PCDHGA5: variants seen among roughly 807,000 people sequenced by gnomAD.
PCDHGA5 encodes protocadherin gamma-A5.
PCDHGA5 carries 36 observed loss-of-function variants against 56.7 expected under a neutral mutation model. The ratio of observed to expected loss-of-function variants is 0.64; its 90% CI spans 0.49 to 0.84. The LOEUF (loss-of-function observed/expected upper bound fraction) is 0.84, where lower values mean the gene tolerates loss of function less well. Ranked by LOEUF, PCDHGA5 falls within the 40% of genes least tolerant of loss-of-function variation. The pLI is 0.00. For missense variants in PCDHGA5, 1,305 were observed against 1,201.5 expected, an observed-to-expected ratio of 1.09 and a Z score of -1.27; for synonymous variants, 563 against 520.2, an observed-to-expected ratio of 1.08 and a Z score of -1.12.
chr5:141,395,542 T>TTGTTTGTGTGTG (rs1267535064), intron 1 of PCDHGA5: 12 of 168,716 alleles, frequency 7.1e-5, no homozygotes, highest in African/African-American at 6.9e-4. Flanking sequence ...TTGCTATTGT[T>TTGTTTGTGTGTG]TGTGTGTGTG....
chr5:141,435,059 G>A (rs2097741198), intron 1 of PCDHGA5, among the ~76,000 whole-genome samples: 1 of 152,042 alleles, frequency 6.6e-6, no homozygotes, highest in Non-Finnish European at 1.5e-5. Context: ...CCATGCAGCA[G>A]TTTTGTGTAG....
chr5:141,419,216 G>C, intron 1 of PCDHGA5: 3 of 1,613,886 alleles, frequency 1.9e-6, no homozygotes, highest in Admixed American at 1.7e-5. Flanking sequence ...GCCGGTTTTC[G>C]GACAGTCAGC....
Position 141,366,383 on chromosome 5 carries a change from G to A in PCDHGA5, c.2053G>A (p.Glu685Lys). The A allele has an allele frequency of 6.2e-7, 1 of 1,614,130 alleles. No individual in the cohort carries two copies. The highest frequency in any genetic ancestry group is 8.5e-7 in the Non-Finnish European group (1 of 1,180,044). Residue 685 changes from glutamate (E) to lysine (K), a missense_variant, in exon 1 of 4, where the codon GAG becomes AAG. Glu to Lys is a moderately conservative substitution (Grantham distance 56). Coordinates refer to ENST00000518069, the MANE Select transcript of PCDHGA5 (RefSeq NM_018918.3). ...CAGTATCAAGACCCCCATTGACCCT[G>A]AGGATCTGGACCTCACACTCTATCT... ...LGSIKTPIDP[E>K]DLDLTLYLVV... is the part of the protein sequence containing the mutation.
At chr5:141,460,961 A>ATG (rs35821115) in intron 1 of PCDHGA5, among the ~76,000 whole-genome samples, 128 of 144,610 alleles carry the variant, frequency 8.9e-4, no homozygotes, top group Middle Eastern at 7.1e-3. Context: ...GTATATATAT[A>ATG]TGTGTGTGTG....
At chr5:141,368,400 C>T (rs1765636638) in intron 1 of PCDHGA5, among the ~76,000 whole-genome samples, 1 of 152,106 alleles carries the variant, frequency 6.6e-6, no homozygotes, top group Admixed American at 6.6e-5. Flanking sequence ...CACAAACACA[C>T]ATACATACAC....
intron 1 of PCDHGA5, chr5:141,393,342 C>T (rs765924046): frequency 6.2e-7 from 1 of 1,613,944 alleles, no homozygotes; most frequent in Admixed American, 1.7e-5. Context: ...CCCCAATCAC[C>T]ACTTCTCCCT....
intron 1 of PCDHGA5, among the ~76,000 whole-genome samples, chr5:141,407,428 G>A (rs1211459456): frequency 6.6e-6 from 1 of 151,524 alleles, no homozygotes; most frequent in Non-Finnish European, 1.5e-5. Context: ...AATGTCTCTT[G>A]CCCTTAAAAC....
At position 141,432,902 on chromosome 5, in the gene PCDHGA5, A is replaced by C. The variant is rs992417865; in HGVS notation, c.2422-61905A>C. The C allele has an allele frequency of 1.2e-6, 2 of 1,614,028 alleles. No homozygotes were observed. The highest frequency in any genetic ancestry group is 2.7e-5 in the African/African-American group (2 of 74,924). On this transcript the variant is annotated intron_variant, in intron 1 of 3. Coordinates refer to ENST00000518069, the MANE Select transcript of PCDHGA5 (RefSeq NM_018918.3). The surrounding 1 kb of genome is among the most constrained non-coding windows in gnomAD (Gnocchi z 6.0). ...CTTCGTCATCTTGCTGCTGGCGCTCAGGCTGCGGCGCTGGCACAAGTCACG... is the reference window on the plus strand; with the variant it reads ...CTTCGTCATCTTGCTGCTGGCGCTCCGGCTGCGGCGCTGGCACAAGTCACG...
chr5:141,409,237 A>G lies in PCDHGA5; in HGVS notation c.2421+42486A>G, dbSNP rs375806619. The G allele has an allele frequency of 7.2e-5, 116 of 1,614,054 alleles. 2 individuals are homozygous for G. Among genetic ancestry groups the G allele is most frequent in the East Asian group, 6.5e-4 (29 of 44,886 alleles). ...TCCTTGATGAAAACGACAACAGCCC[A>G]GAAATAATCATCACTTCTCTCTCTG... On this transcript the variant is annotated intron_variant, in intron 1 of 3. Coordinates refer to ENST00000518069, the MANE Select transcript of PCDHGA5 (RefSeq NM_018918.3).
At chr5:141,444,507 G>C (rs1213059531) in intron 1 of PCDHGA5, among the ~76,000 whole-genome samples, 1 of 152,068 alleles carries the variant, frequency 6.6e-6, no homozygotes, top group Non-Finnish European at 1.5e-5. Context: ...CTTTGCTCTA[G>C]CAGTATAGTA....
chr5:141,466,014 C>T (rs962233749), intron 1 of PCDHGA5, among the ~76,000 whole-genome samples: 75 of 151,848 alleles, frequency 4.9e-4, no homozygotes, highest in African/African-American at 1.2e-3. Flanking sequence ...CCCAGCTACT[C>T]GGGAGGGTGA....
intron 1 of PCDHGA5, among the ~76,000 whole-genome samples, chr5:141,450,025 G>C (rs963999877): frequency 2.7e-5 from 1 of 36,752 alleles, no homozygotes; most frequent in Non-Finnish European, 5.4e-5. Context: ...TTTTTTTTTT[G>C]AGACAGGGTC....
In PCDHGA5 at chr5:141,381,826, C is replaced by CTTTTTTTT. The variant is rs770630741; in HGVS notation, c.2421+15090_2421+15097dup. Among the ~76,000 whole-genome samples, 48 of 74,286 alleles carry CTTTTTTTT rather than the reference C, an allele frequency of 6.5e-4. 1 individual carries two copies. Among genetic ancestry groups the CTTTTTTTT allele is most frequent in the African/African-American group, 1.0e-3 (17 of 16,198 alleles). 48.7% of individuals were successfully genotyped at this position (74,286 alleles called of 152,430 possible). On this transcript the variant is annotated intron_variant, in intron 1 of 3. Coordinates refer to ENST00000518069, the MANE Select transcript of PCDHGA5 (RefSeq NM_018918.3). Reference sequence around the variant, plus strand: ...TTTCTTTCTTTCTTTCTTTCTTCTTCTTTTTTTTTTTTTTTTTTTTTTGGC... The same window carrying CTTTTTTTT: ...TTTCTTTCTTTCTTTCTTTCTTCTTCTTTTTTTTTTTTTTTTTTTTTTTTTTTTTTGGC...
chr5:141,380,502 T>C (rs932449846), intron 1 of PCDHGA5, among the ~76,000 whole-genome samples: 2 of 152,190 alleles, frequency 1.3e-5, no homozygotes, highest in Admixed American at 1.3e-4. Flanking sequence ...AACAATAATA[T>C]ACACTCTTTA....
At chr5:141,419,554 T>C (rs775925543) in intron 1 of PCDHGA5, 1 of 1,612,006 alleles carries the variant, frequency 6.2e-7, no homozygotes, top group Non-Finnish European at 8.5e-7. Flanking sequence ...TGCTGTACCC[T>C]GCGCTGGGTC....
chr5:141,417,387 G>GA (rs1356605500), intron 1 of PCDHGA5: 1 of 154,090 alleles, frequency 6.5e-6, no homozygotes, highest in Non-Finnish European at 1.4e-5. Context: ...AAATTTTGAA[G>GA]AAAAAATATT....
chr5:141,368,754 T>C (rs537893432), intron 1 of PCDHGA5, among the ~76,000 whole-genome samples: 30 of 152,222 alleles, frequency 2.0e-4, no homozygotes, highest in Non-Finnish European at 3.5e-4. Flanking sequence ...TTTAAATATC[T>C]GAATCTTTAG....
In PCDHGA5 at chr5:141,432,908, C is replaced by T. The variant is rs757934634; in HGVS notation, c.2422-61899C>T. On this transcript the variant is annotated intron_variant, in intron 1 of 3. Transcript: ENST00000518069. This position sits in a 1 kb window ranked among gnomAD's most constrained non-coding sequence, Gnocchi z 6.0. Reference sequence around the variant, plus strand: ...CATCTTGCTGCTGGCGCTCAGGCTGCGGCGCTGGCACAAGTCACGCCTGCT... The same window carrying T: ...CATCTTGCTGCTGGCGCTCAGGCTGTGGCGCTGGCACAAGTCACGCCTGCT... 3.7e-5 allele frequency: 60 copies of T among 1,614,050 alleles called. No individual in the cohort carries two copies. Among genetic ancestry groups the T allele is most frequent in the Middle Eastern group, 3.3e-4 (2 of 6,082 alleles).
chr5:141,374,157 G>A (rs1394990278), intron 1 of PCDHGA5: 1 of 1,612,216 alleles, frequency 6.2e-7, no homozygotes, highest in African/African-American at 1.3e-5. Flanking sequence ...ACGCTGTGGG[G>A]GGCCGCGGCA....
Sources: allele counts gnomAD v4.1 joint callset (sites outside exome capture counted in the v4.1 genomes callset), GRCh38; gene constraint gnomAD v4.1.1; non-coding constraint Gnocchi (gnomAD v3.1); transcripts MANE v1.5; gene names NCBI Gene and HGNC (gene_info 2026-07-23, HGNC 2026-07-21).